The following GSE1 variants were observed in gnomAD, a reference collection of about 807,000 sequenced individuals.
GSE1 encodes the protein Gse1 coiled-coil protein.
A neutral mutation model predicts 112.6 loss-of-function variants in GSE1; 32 were observed. The observed-to-expected ratio is 0.28, with a 90% CI of 0.21 to 0.38. The LOEUF (loss-of-function observed/expected upper bound fraction) is 0.38. GSE1 is among the 10% of genes least tolerant of loss of function. The pLI is 1.00. For missense variants in GSE1, 2,348 were observed against 1,699.2 expected, an observed-to-expected ratio of 1.38 and a Z score of -6.71; for synonymous variants, 1,115 against 735.6, an observed-to-expected ratio of 1.52 and a Z score of -8.35.
intron 1 of GSE1, among the ~76,000 whole-genome samples, chr16:85,584,265 C>G (rs1225665136): frequency 1.3e-5 from 2 of 152,154 alleles, no homozygotes; most frequent in Non-Finnish European, 2.9e-5. Context: ...GGAGGGAGTT[C>G]CCAGTGGGCC....
rs146966114 is a variant in GSE1, at chr16:85,525,780, C to T, written c.2465-108134C>T. On this transcript the variant is annotated intron_variant, in intron 2 of 2. Transcript: ENST00000637419. Reference sequence around the variant, plus strand: ...TGACCCCAGACAAGCTGTTTAACCTCGCTGGGCTCCAGTTTCTTCCTATAA... The same window carrying T: ...TGACCCCAGACAAGCTGTTTAACCTTGCTGGGCTCCAGTTTCTTCCTATAA... Among the ~76,000 whole-genome samples, 454 of 152,306 alleles carry T rather than the reference C, an allele frequency of 3.0e-3. 1 individual carries two copies. The highest frequency in any genetic ancestry group is 9.4e-3 in the African/African-American group (390 of 41,554).
In GSE1 at chr16:85,661,469, C is replaced by T; in HGVS notation, c.1964C>T (p.Pro655Leu). ...PLDKYQPPPP[P>L]PREGGSLEHQ... The stretch of plus-strand genomic sequence containing the variant: ...GACAAGTACCAGCCACCTCCGCCGC[C>T]ACCACGAGAGGGAGGGAGCCTGGAG... The change falls in exon 9 of 16, where the codon CCA becomes CTA. Residue 655 changes from proline (P) to leucine (L), a missense_variant. Transcript: ENST00000253458. 1 of 1,611,700 alleles carries T rather than the reference C, an allele frequency of 6.2e-7. No individual in the cohort carries two copies. The highest frequency in any genetic ancestry group is 8.5e-7 in the Non-Finnish European group (1 of 1,179,414).
intron 1 of GSE1, among the ~76,000 whole-genome samples, chr16:85,198,883 A>G (rs2074977169): frequency 6.6e-6 from 1 of 151,638 alleles, no homozygotes; most frequent in East Asian, 1.9e-4. Context: ...GGCTCAAGCG[A>G]TCCTCCCACC....
rs545502374 is a variant in GSE1, at chr16:85,661,246, C to A, written c.1741C>A (p.Pro581Thr). Residue 581 changes from proline to threonine, a missense_variant, in exon 9 of 16, where the codon CCC (proline) becomes ACC (threonine). Coordinates refer to ENST00000253458, the MANE Select transcript of GSE1 (RefSeq NM_014615.5). ...ISPKPQLHAA[P>T]TALWNPVSLM... ...GCCCAAGCCCCAGCTCCATGCTGCA[C>A]CCACGGCCCTCTGGAACCCCGTGTC... is the stretch of plus-strand genomic sequence containing the variant. The A allele has an allele frequency of 4.3e-6, 7 of 1,612,942 alleles. No homozygotes were observed. Among genetic ancestry groups the A allele is most frequent in the Non-Finnish European group, 5.9e-6 (7 of 1,179,972 alleles).
intron 2 of GSE1, among the ~76,000 whole-genome samples, chr16:85,431,903 G>C (rs1319128498): frequency 6.6e-6 from 1 of 152,266 alleles, no homozygotes; most frequent in African/African-American, 2.4e-5. Context: ...AGCCCTGGAA[G>C]AATACTCAGC....
intron 2 of GSE1, among the ~76,000 whole-genome samples, chr16:85,528,161 T>C (rs1003248775): frequency 6.6e-6 from 1 of 152,186 alleles, no homozygotes; most frequent in African/African-American, 2.4e-5. Context: ...ACAGACAAGA[T>C]TCTCACCCCC....
chr16:85,512,693 C>T (rs8062133), intron 2 of GSE1, among the ~76,000 whole-genome samples: 1,992 of 152,228 alleles, frequency 0.013, 43 homozygotes, highest in African/African-American at 0.044. Context: ...TCACACCACA[C>T]GCATTAGAGT....
At chr16:85,639,848 C>T (rs375825242) in intron 2 of GSE1, among the ~76,000 whole-genome samples, 4 of 152,358 alleles carry the variant, frequency 2.6e-5, no homozygotes, top group South Asian at 2.1e-4. Context: ...GGCAGCCTCC[C>T]GCAGGGACGC....
At chr16:85,357,138 C>T (rs113147101) in intron 1 of GSE1, among the ~76,000 whole-genome samples, 3,547 of 152,276 alleles carry the variant, frequency 0.023, 51 homozygotes, top group Non-Finnish European at 0.037. Flanking sequence ...TTCTGGGCTC[C>T]GTGCAGTGCT....
intron 2 of GSE1, among the ~76,000 whole-genome samples, chr16:85,498,324 C>T (rs1292679061): frequency 6.6e-6 from 1 of 152,116 alleles, no homozygotes; most frequent in African/African-American, 2.4e-5. Flanking sequence ...TACATCCAGA[C>T]ACACAGACAC....
chr16:85,493,613 C>T (rs1038965776), intron 2 of GSE1, among the ~76,000 whole-genome samples: 2 of 151,860 alleles, frequency 1.3e-5, no homozygotes, highest in Non-Finnish European at 2.9e-5. Flanking sequence ...ATTAGCCGGG[C>T]GTGGTGGCAC....
intron 2 of GSE1, among the ~76,000 whole-genome samples, chr16:85,516,129 C>T (rs75698014): frequency 6.6e-6 from 1 of 152,154 alleles, no homozygotes; most frequent in African/African-American, 2.4e-5. Context: ...AGTCTGTGGT[C>T]CCTGCTGGGG....
At chr16:85,235,428 C>CTCTGTGTGTGTGTGTGTGTG (rs775585078) in intron 1 of GSE1, among the ~76,000 whole-genome samples, 14 of 126,396 alleles carry the variant, frequency 1.1e-4, no homozygotes, top group Middle Eastern at 4.7e-3. Context: ...TGGAAGGGTA[C>CTCTGTGTGTGTGTGTGTGTG]TGTGTGTGTG....
chr16:85,440,682 T>A (rs767841734), intron 2 of GSE1, among the ~76,000 whole-genome samples: 5 of 152,200 alleles, frequency 3.3e-5, no homozygotes, highest in Non-Finnish European at 5.9e-5. Flanking sequence ...CTTTTACTTT[T>A]TTCAGGTTGG....
At chr16:85,227,167 A>G (rs2075503814) in intron 1 of GSE1, among the ~76,000 whole-genome samples, 1 of 152,148 alleles carries the variant, frequency 6.6e-6, no homozygotes, top group African/African-American at 2.4e-5. Flanking sequence ...CTATCCATCC[A>G]ATAGGCAGTG....
At chr16:85,246,786 C>G (rs1005310202) in intron 1 of GSE1, among the ~76,000 whole-genome samples, 1 of 152,020 alleles carries the variant, frequency 6.6e-6, no homozygotes, top group Admixed American at 6.6e-5. Context: ...GGGGGAGCCT[C>G]CCCCCTGGAT....
rs1345930476 is a variant in GSE1 at position 85,442,409 on chromosome 16, CA to C, written c.2464+84767del. ...TCCTGGCCCAGCGCTGGGTGTCCAG[CA>C]GGTGGTGGACAAATGTTTATTGAAT... is the stretch of plus-strand genomic sequence containing the variant. On this transcript the variant is annotated intron_variant, in intron 2 of 2. Coordinates refer to the GSE1 transcript ENST00000637419. Among the ~76,000 whole-genome samples, 9 of 151,792 alleles carry C rather than the reference CA, an allele frequency of 5.9e-5. No homozygotes were observed. In the South Asian group the frequency reaches 1.9e-3, roughly 32 times the overall value.
chr16:85,614,837 C>T (rs1393450341), intron 1 of GSE1, among the ~76,000 whole-genome samples: 2 of 152,230 alleles, frequency 1.3e-5, no homozygotes, highest in East Asian at 1.9e-4. Context: ...AAAGCGGGGC[C>T]ACCAAATGGA....
chr16:85,622,530 G>C (rs1016485464), intron 1 of GSE1, among the ~76,000 whole-genome samples: 5 of 152,182 alleles, frequency 3.3e-5, no homozygotes, highest in African/African-American at 9.7e-5. Context: ...GCTCCCACAG[G>C]GTTTACAGAT....
Sources: gnomAD v4.1 joint callset for allele counts (sites outside exome capture counted in the v4.1 genomes callset) on GRCh38, gnomAD v4.1.1 for gene constraint, MANE v1.5 for transcripts, NCBI Gene and HGNC (gene_info 2026-07-23, HGNC 2026-07-21) for gene names.